The following ADAMTS17 variants were observed in gnomAD, a reference collection of about 807,000 sequenced individuals.
ADAMTS17 encodes the protein ADAM metallopeptidase with thrombospondin type 1 motif 17.
ADAMTS17 carries 113 observed loss-of-function variants against 141.5 expected under a neutral mutation model. That is an observed-to-expected ratio of 0.80 (90% CI 0.69 to 0.93). ADAMTS17 has a LOEUF of 0.93. ADAMTS17 is among the 40% of genes least tolerant of loss of function. The pLI, the probability that ADAMTS17 is intolerant of heterozygous loss-of-function variation, is 0.00. For synonymous variants in ADAMTS17, 768 were observed against 630.6 expected, an observed-to-expected ratio of 1.22 and a Z score of -3.27; for missense variants, 1,659 against 1,517.9, an observed-to-expected ratio of 1.09 and a Z score of -1.54.
At chr15:100,160,509 A>C (rs761355310) in intron 8 of ADAMTS17, among the ~76,000 whole-genome samples, 1 of 152,228 alleles carries the variant, frequency 6.6e-6, no homozygotes, top group Non-Finnish European at 1.5e-5. Flanking sequence ...ATCAAATGAA[A>C]GGGGCTCCTT....
At chr15:100,157,476 G>C (rs941156424) in intron 8 of ADAMTS17, among the ~76,000 whole-genome samples, 14 of 152,042 alleles carry the variant, frequency 9.2e-5, no homozygotes, top group Non-Finnish European at 1.5e-5. Flanking sequence ...TTTCTGAAAA[G>C]GGAGTGTCTG....
At chr15:100,074,260 A>ACC (rs1329432672) in intron 15 of ADAMTS17, 4 of 152,236 alleles carry the variant, frequency 2.6e-5, no homozygotes, top group African/African-American at 9.7e-5. Context: ...GAGAATGTAC[A>ACC]CCTTTGTTTT....
Position 100,003,212 on chromosome 15 carries a change from A to G in ADAMTS17, c.2592-5623T>C, listed in dbSNP as rs2060965561. On this transcript the variant is annotated intron_variant, in intron 18 of 21. Transcript: ENST00000268070. ...CCATGGGTCCCACACCAGGCAGCTC[A>G]GGGCACAGCCCTTGCTCCACGCCCT... Among the ~76,000 whole-genome samples the G allele has an allele frequency of 2.0e-5, 3 of 152,250 alleles. No homozygotes were observed. In the South Asian group the frequency reaches 6.2e-4, roughly 32 times the overall value.
At chr15:100,248,290 T>C (rs1391711820) in intron 7 of ADAMTS17, among the ~76,000 whole-genome samples, 1 of 152,156 alleles carries the variant, frequency 6.6e-6, no homozygotes, top group Non-Finnish European at 1.5e-5. Flanking sequence ...AAAACCACCG[T>C]AGCTCAATTT....
chr15:100,207,106 A>T (rs2041601190), intron 7 of ADAMTS17, among the ~76,000 whole-genome samples: 2 of 152,100 alleles, frequency 1.3e-5, no homozygotes. Flanking sequence ...GCCTTCAGGG[A>T]GGTGATGAAG....
intron 8 of ADAMTS17, among the ~76,000 whole-genome samples, chr15:100,193,060 A>G (rs1175560876): frequency 6.6e-6 from 1 of 152,242 alleles, no homozygotes; most frequent in African/African-American, 2.4e-5. Context: ...GAAGCATCCA[A>G]TGTAATGAAA....
intron 20 of ADAMTS17, among the ~76,000 whole-genome samples, chr15:99,985,448 TA>T (rs1245369828): frequency 6.6e-6 from 1 of 150,900 alleles, no homozygotes; most frequent in East Asian, 1.9e-4. Context: ...AAGGGGAGGC[TA>T]AACATGCAGG....
At chr15:100,257,460 G>A (rs1209674196) in intron 6 of ADAMTS17, among the ~76,000 whole-genome samples, 1 of 152,224 alleles carries the variant, frequency 6.6e-6, no homozygotes, top group African/African-American at 2.4e-5. Context: ...CTCCACAGCA[G>A]CAGGTGAGAG....
Position 100,341,364 on chromosome 15 carries a change from C to G in ADAMTS17, c.125G>C (p.Arg42Pro), listed in dbSNP as rs1252161320. 9.8e-7 allele frequency: 1 copy of G among 1,018,014 alleles called. No individual in the cohort carries two copies. Among genetic ancestry groups the G allele is most frequent in the Non-Finnish European group, 1.2e-6 (1 of 853,282 alleles). The allele number at this position is 1,018,014 out of a possible 1,614,324, so 63.1% of individuals were successfully genotyped here. ...AADVEVVLPW[R>P]VRPDDVHLPP... is the part of the protein sequence containing the mutation. ...CAGGTGCACGTCGTCGGGGCGCACCCGCCACGGGAGCACCACCTCCACGTC... is the reference window on the plus strand; with the variant it reads ...CAGGTGCACGTCGTCGGGGCGCACCGGCCACGGGAGCACCACCTCCACGTC... The change falls in exon 2 of 22, where the codon CGG becomes CCG. Residue 42 changes from arginine to proline, a missense_variant. Physicochemically the swap from Arg to Pro is moderately radical, Grantham distance 103. Coordinates refer to ENST00000268070, the MANE Select transcript of ADAMTS17 (RefSeq NM_139057.4).
At chr15:100,052,415 C>T (rs1312550757) in intron 16 of ADAMTS17, among the ~76,000 whole-genome samples, 2 of 152,188 alleles carry the variant, frequency 1.3e-5, no homozygotes, top group Non-Finnish European at 2.9e-5. Context: ...GAAAAGCCAT[C>T]AATATTAAGC....
chr15:100,060,404 T>C (rs2033024566), intron 15 of ADAMTS17, among the ~76,000 whole-genome samples: 1 of 152,192 alleles, frequency 6.6e-6, no homozygotes, highest in Non-Finnish European at 1.5e-5. Context: ...CTTCTTCCTC[T>C]CTGTGGACAC....
chr15:100,145,702 A>G (rs549253199), intron 10 of ADAMTS17, among the ~76,000 whole-genome samples: 6 of 152,216 alleles, frequency 3.9e-5, no homozygotes. Context: ...GTTAATATGC[A>G]TTTATGATCC....
At chr15:100,340,218 C>T (rs1045144443) in intron 2 of ADAMTS17, among the ~76,000 whole-genome samples, 1 of 152,192 alleles carries the variant, frequency 6.6e-6, no homozygotes, top group Non-Finnish European at 1.5e-5. Flanking sequence ...CCAGTGTAGC[C>T]ACATGATCAA....
intron 19 of ADAMTS17, among the ~76,000 whole-genome samples, chr15:99,994,316 C>T (rs1283347928): frequency 6.6e-6 from 1 of 152,132 alleles, no homozygotes; most frequent in Admixed American, 6.5e-5. Flanking sequence ...TTATAACAAA[C>T]TCAACTTTAA....
At chr15:100,054,698 T>C (rs893586494) in intron 15 of ADAMTS17, among the ~76,000 whole-genome samples, 11 of 152,234 alleles carry the variant, frequency 7.2e-5, no homozygotes, top group Non-Finnish European at 1.5e-5. Flanking sequence ...CGAGCAGTGG[T>C]TGGGGGCTGA....
At chr15:100,100,584 C>T (rs2036035298) in intron 14 of ADAMTS17, among the ~76,000 whole-genome samples, 1 of 151,816 alleles carries the variant, frequency 6.6e-6, no homozygotes, top group African/African-American at 2.4e-5. Flanking sequence ...TCTGACTCTT[C>T]TATTTTGGGA....
At chr15:99,995,347 C>T (rs1025893720) in intron 19 of ADAMTS17, among the ~76,000 whole-genome samples, 4 of 152,208 alleles carry the variant, frequency 2.6e-5, no homozygotes, top group Non-Finnish European at 4.4e-5. Flanking sequence ...TCACCTCCTC[C>T]CCTTGAATTT....
At chr15:100,047,059 G>T (rs991025471) in intron 18 of ADAMTS17, among the ~76,000 whole-genome samples, 1 of 151,972 alleles carries the variant, frequency 6.6e-6, no homozygotes, top group African/African-American at 2.4e-5. Context: ...GAGCCCCTGA[G>T]GGTAGGCCTC....
chr15:100,088,609 C>T (rs1382974110), intron 15 of ADAMTS17, among the ~76,000 whole-genome samples: 18 of 151,948 alleles, frequency 1.2e-4, no homozygotes, highest in Non-Finnish European at 2.5e-4. Context: ...GCTACAGTAA[C>T]CAAAACAGCA....
Sources: gnomAD v4.1 joint callset for allele counts (sites outside exome capture counted in the v4.1 genomes callset) on GRCh38, gnomAD v4.1.1 for gene constraint, MANE v1.5 for transcripts, NCBI Gene and HGNC (gene_info 2026-07-23, HGNC 2026-07-21) for gene names.